The following SAMD12 variants were observed in gnomAD, a reference collection of about 807,000 sequenced individuals.
SAMD12 encodes the protein sterile alpha motif domain containing 12, also known as sterile alpha motif domain-containing protein 12.
Under a neutral mutation model 15.0 loss-of-function variants are expected in SAMD12, and 9 were observed. That is an observed-to-expected ratio of 0.60 (90% CI 0.36 to 1.05). The LOEUF is 1.05. SAMD12 is among the 50% of genes least tolerant of loss of function. The probability of loss-of-function intolerance (pLI) is 0.01; values close to 1 mark genes in which losing one functional copy is unlikely to be tolerated. For synonymous variants in SAMD12, 86 were observed against 90.1 expected, an observed-to-expected ratio of 0.96 and a Z score of 0.25; for missense variants, 230 against 234.2, an observed-to-expected ratio of 0.98 and a Z score of 0.12.
chr8:118,452,857 G>A (rs777096047), intron 2 of SAMD12, among the ~76,000 whole-genome samples: 1 of 151,962 alleles, frequency 6.6e-6, no homozygotes, highest in Admixed American at 6.6e-5. Flanking sequence ...CCAACTTCAG[G>A]TGCAATTTCC....
intron 2 of SAMD12, among the ~76,000 whole-genome samples, chr8:118,551,091 C>T (rs1473854322): frequency 6.6e-6 from 1 of 152,090 alleles, no homozygotes; most frequent in Non-Finnish European, 1.5e-5. Flanking sequence ...ACTTTAACAC[C>T]CCACTGTCAA....
intron 3 of SAMD12, among the ~76,000 whole-genome samples, chr8:118,389,074 T>C (rs993395798): frequency 1.2e-4 from 18 of 152,306 alleles, no homozygotes; most frequent in Admixed American, 1.0e-3. Flanking sequence ...CATCCTAGTT[T>C]ATGAGGGATT....
chr8:118,563,870 A>G (rs1826776457), intron 2 of SAMD12, among the ~76,000 whole-genome samples: 1 of 152,172 alleles, frequency 6.6e-6, no homozygotes, highest in Non-Finnish European at 1.5e-5. Context: ...CTTCCTGATA[A>G]ATGGCTGCAA....
intron 4 of SAMD12, among the ~76,000 whole-genome samples, chr8:118,216,291 C>T (rs1034728634): frequency 1.5e-4 from 23 of 151,738 alleles, no homozygotes; most frequent in Admixed American, 5.9e-4. Flanking sequence ...TCATGTCCTT[C>T]GCCCACTTTT....
intron 4 of SAMD12, among the ~76,000 whole-genome samples, chr8:118,349,756 A>G (rs577502330): frequency 1.3e-5 from 2 of 152,322 alleles, no homozygotes; most frequent in African/African-American, 4.8e-5. Context: ...CAGATGCATC[A>G]AAGCTCGTTT....
At chr8:118,266,171 C>A (rs980994843) in intron 4 of SAMD12, among the ~76,000 whole-genome samples, 1 of 152,138 alleles carries the variant, frequency 6.6e-6, no homozygotes, top group African/African-American at 2.4e-5. Flanking sequence ...CACTCACTAT[C>A]ACGAGAAGAG....
chr8:118,150,375 T>G, the SAMD12 span, among the ~76,000 whole-genome samples: 1 of 152,152 alleles, frequency 6.6e-6, no homozygotes, highest in Non-Finnish European at 1.5e-5. Flanking sequence ...TACATCGTTA[T>G]TATTGTTTTT....
chr8:118,196,409 C>G (rs1819563904), exon 5 of SAMD12: 1 of 151,970 alleles, frequency 6.6e-6, no homozygotes, highest in Non-Finnish European at 1.5e-5. Flanking sequence ...TGTTATGTAG[C>G]AAGTCAATAT....
intron 3 of SAMD12, 83 bp downstream of exon 3, chr8:118,439,748 TG>T: frequency 8.0e-7 from 1 of 1,244,416 alleles, no homozygotes; most frequent in Non-Finnish European, 1.1e-6. Context: ...AGGAAGATGT[TG>T]TTTCATGGTA....
At chr8:118,183,484 T>C in the SAMD12 span, among the ~76,000 whole-genome samples, 1 of 152,134 alleles carries the variant, frequency 6.6e-6, no homozygotes, top group Admixed American at 6.5e-5. Flanking sequence ...AGGCAAGGGA[T>C]TCATTGTCTA....
At chr8:118,543,606 T>C (rs1023717469) in intron 2 of SAMD12, among the ~76,000 whole-genome samples, 4 of 148,902 alleles carry the variant, frequency 2.7e-5, no homozygotes, top group Non-Finnish European at 5.9e-5. Flanking sequence ...ATTATGAGAT[T>C]TTTTTTTCTT....
At position 118,535,001 on chromosome 8, in the gene SAMD12, G is replaced by A. The variant is rs548701511; in HGVS notation, c.192+45714C>T. Among the ~76,000 whole-genome samples, 132 of 152,320 alleles carry A rather than the reference G, an allele frequency of 8.7e-4. 1 individual carries two copies. The highest frequency in any genetic ancestry group is 3.1e-3 in the African/African-American group (127 of 41,560). ...CTTGTTCCACTGCTGGCGAGGAGCT[G>A]CATTCCTTTGGAGGAGAACAGACAC... On this transcript the variant is annotated intron_variant, in intron 2 of 3. Coordinates refer to ENST00000314727, the MANE Select transcript of SAMD12 (RefSeq NM_207506.3).
At chr8:118,228,470 G>A (rs531040624) in intron 4 of SAMD12, among the ~76,000 whole-genome samples, 1 of 152,160 alleles carries the variant, frequency 6.6e-6, no homozygotes, top group Admixed American at 6.5e-5. Flanking sequence ...TCAAAAAGTG[G>A]GCTAAGGACA....
At position 118,358,961 on chromosome 8, in the gene SAMD12, T is replaced by C. The variant is rs73325647; in HGVS notation, c.433+20599A>G. Among the ~76,000 whole-genome samples the C allele has an allele frequency of 1.4e-3, 208 of 152,098 alleles. No individual in the cohort carries two copies. The Middle Eastern group carries it at 0.024, about 17-fold the overall frequency. On this transcript the variant is annotated intron_variant, in intron 4 of 4. Transcript: ENST00000409003. Reference sequence around the variant, plus strand: ...CAAGTCTTTAAAGAAAACACTTAAGTAGTAGTTATAATGGATCATTGATAC... The same window carrying C: ...CAAGTCTTTAAAGAAAACACTTAAGCAGTAGTTATAATGGATCATTGATAC...
chr8:118,357,871 C>G lies in SAMD12; in HGVS notation c.433+21689G>C, dbSNP rs547847942. Among the ~76,000 whole-genome samples, 16 of 152,248 alleles carry G rather than the reference C, an allele frequency of 1.1e-4. No individual in the cohort carries two copies. In the South Asian group the frequency reaches 3.3e-3, roughly 32 times the overall value. On this transcript the variant is annotated intron_variant, in intron 4 of 4. Transcript: ENST00000409003. The stretch of plus-strand genomic sequence containing the variant: ...TAGGGAATGCTAAACTCAGGCCAGG[C>G]ACAGTGGCTCACACCTGTAATCTCA...
chr8:118,337,684 G>A (rs563865194), intron 4 of SAMD12, among the ~76,000 whole-genome samples: 22 of 152,138 alleles, frequency 1.4e-4, no homozygotes, highest in Non-Finnish European at 3.1e-4. Context: ...CTTAGTCACC[G>A]TCTTGCTTCT....
intron 3 of SAMD12, among the ~76,000 whole-genome samples, chr8:118,434,585 T>C (rs1022984398): frequency 6.6e-6 from 1 of 152,174 alleles, no homozygotes; most frequent in Admixed American, 6.5e-5. Context: ...CCTGAAGAGA[T>C]ACTTGACTGT....
chr8:118,140,677 C>A, the SAMD12 span, among the ~76,000 whole-genome samples: 2 of 152,158 alleles, frequency 1.3e-5, no homozygotes, highest in Admixed American at 1.3e-4. Flanking sequence ...GAAACTGGCA[C>A]TCCACAACTA....
chr8:118,334,878 A>T (rs1017400388), intron 4 of SAMD12, among the ~76,000 whole-genome samples: 1 of 152,126 alleles, frequency 6.6e-6, no homozygotes, highest in Non-Finnish European at 1.5e-5. Context: ...CGGGCATGAG[A>T]CACCATGCCC....
Sources: allele counts gnomAD v4.1 joint callset (sites outside exome capture counted in the v4.1 genomes callset), GRCh38; gene constraint gnomAD v4.1.1; transcripts MANE v1.5; gene names NCBI Gene and HGNC (gene_info 2026-07-23, HGNC 2026-07-21).